KATNIP: variants seen among roughly 807,000 people sequenced by gnomAD.
KATNIP encodes the protein katanin interacting protein, also known as katanin-interacting protein.
KATNIP carries 126 observed loss-of-function variants against 174.0 expected under a neutral mutation model. The ratio of observed to expected loss-of-function variants is 0.72; its 90% CI spans 0.63 to 0.84. The LOEUF (loss-of-function observed/expected upper bound fraction) is 0.84, where lower values mean the gene tolerates loss of function less well. KATNIP is among the 40% of genes least tolerant of loss of function. The probability of loss-of-function intolerance (pLI) is 0.00; values close to 1 mark genes in which losing one functional copy is unlikely to be tolerated. For missense variants in KATNIP, 1,958 were observed against 2,109.7 expected (o/e 0.93, Z 1.41); for synonymous variants, 810 against 835.7 (o/e 0.97, Z 0.53).
chr16:27,770,647 G>A (rs1301359190), intron 21 of KATNIP, among the ~76,000 whole-genome samples: 1 of 152,236 alleles, frequency 6.6e-6, no homozygotes, highest in African/African-American at 2.4e-5. Context: ...GGGCTGGAGG[G>A]CACTGACAGC....
chr16:27,595,198 A>C (rs563096676), intron 2 of KATNIP, among the ~76,000 whole-genome samples: 38 of 152,340 alleles, frequency 2.5e-4, no homozygotes, highest in African/African-American at 9.1e-4. Flanking sequence ...CAGCCTGGGC[A>C]ACATGGTAAA....
At chr16:27,662,069 TATACACAC>T (rs2077539847) in intron 6 of KATNIP, among the ~76,000 whole-genome samples, 8 of 87,612 alleles carry the variant, frequency 9.1e-5, no homozygotes, top group Non-Finnish European at 1.1e-4. Context: ...TATATATATA[TATACACAC>T]ATATATATAT....
intron 6 of KATNIP, among the ~76,000 whole-genome samples, chr16:27,652,006 CA>C (rs2142368425): frequency 6.6e-6 from 1 of 152,352 alleles, no homozygotes; most frequent in Admixed American, 6.5e-5. Flanking sequence ...AGGCGTGAGC[CA>C]CCATGCCCAG....
At chr16:27,720,987 G>A (rs2080210669) in intron 13 of KATNIP, among the ~76,000 whole-genome samples, 1 of 152,126 alleles carries the variant, frequency 6.6e-6, no homozygotes, top group Non-Finnish European at 1.5e-5. Context: ...ACCTGCCCCT[G>A]GGGCCTCCAT....
chr16:27,703,755 C>T (rs2079191120), intron 11 of KATNIP, 141 bp from the exon 12 acceptor site: 1 of 663,264 alleles, frequency 1.5e-6, no homozygotes, highest in Non-Finnish European at 2.7e-6. Context: ...GCAAGCCTGC[C>T]CTTGCCTTTG....
intron 6 of KATNIP, among the ~76,000 whole-genome samples, chr16:27,662,049 C>CATATATAT (rs750894792): frequency 0.019 from 166 of 8,624 alleles, 49 homozygotes; most frequent in African/African-American, 0.037. Context: ...TATACACATA[C>CATATATAT]ATATATATAT....
intron 1 of KATNIP, among the ~76,000 whole-genome samples, chr16:27,568,582 A>G (rs2090172572): frequency 6.6e-6 from 1 of 152,022 alleles, no homozygotes; most frequent in Non-Finnish European, 1.5e-5. Flanking sequence ...CTCCTGCCTC[A>G]GCCTCCCGAG....
intron 17 of KATNIP, among the ~76,000 whole-genome samples, chr16:27,752,626 A>T (rs2081561911): frequency 6.6e-6 from 1 of 152,186 alleles, no homozygotes; most frequent in African/African-American, 2.4e-5. Flanking sequence ...ATCATAGCTC[A>T]TTGCAGCTCA....
In KATNIP at chr16:27,774,982, G is replaced by A. The variant is rs1209118452; in HGVS notation, c.4347G>A (p.Glu1449=). The change falls in exon 24 of 28, where the codon GAG becomes GAA. Residue 1449 remains glutamate (E), a synonymous_variant. Coordinates refer to ENST00000261588, the MANE Select transcript of KATNIP (RefSeq NM_015202.5). Reference sequence around the variant, plus strand: ...TCCCCGACAGCGTGAACTCCCTGGAGGGTGTGGGCGGGGACGTCCGCACCC... The same window carrying A: ...TCCCCGACAGCGTGAACTCCCTGGAAGGTGTGGGCGGGGACGTCCGCACCC... ...AAFPDSVNSL[E]GVGGDVRTPD... is the part of the protein sequence containing the mutation. The A allele has an allele frequency of 1.2e-6, 2 of 1,613,926 alleles. No homozygotes were observed. The highest frequency in any genetic ancestry group is 3.3e-5 in the Admixed American group (2 of 60,014).
At chr16:27,659,955 A>G in intron 6 of KATNIP, 1 of 977,784 alleles carries the variant, frequency 1.0e-6, no homozygotes, top group Non-Finnish European at 1.2e-6. Flanking sequence ...GGTCCCCACT[A>G]CCTATTGTAC....
intron 1 of KATNIP, among the ~76,000 whole-genome samples, chr16:27,561,314 T>C (rs2089874326): frequency 6.6e-6 from 1 of 152,184 alleles, no homozygotes; most frequent in Non-Finnish European, 1.5e-5. Flanking sequence ...TGGGCCACTT[T>C]GCCTGGCCTG....
rs186057157 is a variant in KATNIP, at chr16:27,613,509, C to T, written c.64-4916C>T. ...CCATATTTCATCTAAAAATGTCATC[C>T]ACTGTTTCATGCCATACCCATAATA... On this transcript the variant is annotated intron_variant, in intron 2 of 27. Transcript: ENST00000261588. Among the ~76,000 whole-genome samples, 233 of 152,262 alleles carry T rather than the reference C, an allele frequency of 1.5e-3. 3 individuals carry two copies. The highest frequency in any genetic ancestry group is 1.6e-3 in the Non-Finnish European group (107 of 68,020).
intron 13 of KATNIP, among the ~76,000 whole-genome samples, chr16:27,714,342 C>T (rs1828729176): frequency 1.3e-5 from 2 of 152,148 alleles, no homozygotes; most frequent in South Asian, 4.1e-4. Context: ...ATCCCCAGTA[C>T]ATAAAAATGT....
intron 8 of KATNIP, among the ~76,000 whole-genome samples, chr16:27,689,712 A>T (rs760896085): frequency 6.6e-6 from 1 of 152,084 alleles, no homozygotes; most frequent in African/African-American, 2.4e-5. Flanking sequence ...CCACCCCAAA[A>T]TGTAGTGGCT....
chr16:27,745,619 T>C (rs1280058943), intron 15 of KATNIP, among the ~76,000 whole-genome samples: 1 of 152,254 alleles, frequency 6.6e-6, no homozygotes, highest in Non-Finnish European at 1.5e-5. Context: ...GTTTCCTGTT[T>C]TAGTAGCAAT....
intron 3 of KATNIP, among the ~76,000 whole-genome samples, chr16:27,627,635 A>T (rs193088292): frequency 6.6e-6 from 1 of 152,390 alleles, no homozygotes; most frequent in African/African-American, 2.4e-5. Flanking sequence ...ACTGCGAATA[A>T]TGAGAATCGA....
At chr16:27,773,235 C>T (rs757102783) in intron 23 of KATNIP, 26 bp downstream of exon 23, 2 of 1,493,784 alleles carry the variant, frequency 1.3e-6, no homozygotes, top group African/African-American at 2.7e-5. Flanking sequence ...CAGGAGTGGG[C>T]TCCACCCAGA....
chr16:27,633,427 A>G (rs2076549401), intron 5 of KATNIP, among the ~76,000 whole-genome samples: 1 of 149,470 alleles, frequency 6.7e-6, no homozygotes. Context: ...TAAAATAAAA[A>G]TTTAAATACA....
At chr16:27,560,253 G>A (rs559231083) in intron 1 of KATNIP, among the ~76,000 whole-genome samples, 1 of 143,232 alleles carries the variant, frequency 7.0e-6, no homozygotes, top group African/African-American at 2.6e-5. Context: ...CTGCAGTCCA[G>A]CCTGGGCTAT....
Sources: gnomAD v4.1 joint callset for allele counts (sites outside exome capture counted in the v4.1 genomes callset) on GRCh38, gnomAD v4.1.1 for gene constraint, MANE v1.5 for transcripts, NCBI Gene and HGNC (gene_info 2026-07-23, HGNC 2026-07-21) for gene names.